Variants in CYP2C19 observed in about 807,000 individuals in gnomAD.
CYP2C19 encodes cytochrome P450 family 2 subfamily C member 19.
A neutral mutation model predicts 40.9 loss-of-function variants in CYP2C19; 59 were observed. The ratio of observed to expected loss-of-function variants is 1.44; its 90% CI spans 1.17 to 1.79. The LOEUF (loss-of-function observed/expected upper bound fraction) is 1.79, where lower values mean the gene tolerates loss of function less well. CYP2C19 is among the 40% of genes most tolerant of loss of function. The probability of loss-of-function intolerance (pLI) is 0.00; values close to 1 mark genes in which losing one functional copy is unlikely to be tolerated. For synonymous variants in CYP2C19, 253 were observed against 208.7 expected (o/e 1.21, Z -1.83); for missense variants, 754 against 596.9 (o/e 1.26, Z -2.74).
At chr10:94,852,205 T>C (rs1849663887) in intron 8 of CYP2C19, among the ~76,000 whole-genome samples, 2 of 151,838 alleles carry the variant, frequency 1.3e-5, no homozygotes. Flanking sequence ...TCTTATCCCA[T>C]AGGACAGACA....
intron 5 of CYP2C19, among the ~76,000 whole-genome samples, chr10:94,782,584 A>T (rs1848493685): frequency 6.6e-6 from 1 of 152,170 alleles, no homozygotes; most frequent in Non-Finnish European, 1.5e-5. Context: ...TAGAAATACC[A>T]TTTGACCCAG....
chr10:94,766,843 C>T (rs925079896), intron 1 of CYP2C19, among the ~76,000 whole-genome samples: 8 of 151,968 alleles, frequency 5.3e-5, no homozygotes, highest in African/African-American at 1.9e-4. Context: ...CATTCCTGAA[C>T]CTTAACAGCA....
At position 94,776,278 on chromosome 10, in the gene CYP2C19, T is replaced by C. The variant is rs530813126; in HGVS notation, c.481+739T>C. On this transcript the variant is annotated intron_variant, in intron 3 of 8. Transcript: ENST00000371321. The stretch of plus-strand genomic sequence containing the variant: ...CTAGATTTTAATTATTAGTAATAAC[T>C]GTAATTTTTATTCCTTAAGTATAAT... 3.7e-4 allele frequency: 57 copies of C among 152,302 alleles called. 1 individual carries two copies. The highest frequency in any genetic ancestry group is 1.3e-3 in the African/African-American group (54 of 41,590). 9.4% of individuals were successfully genotyped at this position (152,302 alleles called of 1,614,324 possible). A position where few individuals can be genotyped will look rare whatever the true frequency, so the allele number is the denominator to read the frequency against.
intron 1 of CYP2C19, among the ~76,000 whole-genome samples, chr10:94,768,913 C>G (rs1489834913): frequency 2.0e-5 from 3 of 152,136 alleles, no homozygotes. Context: ...TCCCATTCTA[C>G]TAGATGAGTA....
Position 94,781,866 on chromosome 10 carries a change from C to A in CYP2C19, c.688C>A (p.His230Asn). 6.7e-7 allele frequency: 1 copy of A among 1,481,938 alleles called. No homozygotes were observed. The highest frequency in any genetic ancestry group is 8.9e-7 in the Non-Finnish European group (1 of 1,123,784). 91.8% of individuals were successfully genotyped at this position (1,481,938 alleles called of 1,614,324 possible). A position where few individuals can be genotyped will look rare whatever the true frequency, so the allele number is the denominator to read the frequency against. ...PTIIDYFPGT[H>N]NKLLKNLAFM... ...TATCATTGATTATTTCCCGGGAACC[C>A]ATAACAAATTACTTAAAAACCTTGC... The change falls in exon 5 of 9, where the codon CAT (histidine) becomes AAT (asparagine). Residue 230 changes from histidine to asparagine, a missense_variant. His to Asn is a moderately conservative substitution (Grantham distance 68, BLOSUM62 1). Coordinates refer to ENST00000371321, the MANE Select transcript of CYP2C19 (RefSeq NM_000769.4).
At chr10:94,770,934 TTGAC>T (rs1848321173) in intron 1 of CYP2C19, among the ~76,000 whole-genome samples, 1 of 152,182 alleles carries the variant, frequency 6.6e-6, no homozygotes, top group South Asian at 2.1e-4. Context: ...TATCATTTAC[TTGAC>T]TAAGATACTA....
chr10:94,804,285 C>T (rs1037605088), intron 5 of CYP2C19, among the ~76,000 whole-genome samples: 2 of 152,184 alleles, frequency 1.3e-5, no homozygotes, highest in Admixed American at 1.3e-4. Context: ...CCTTCCATCC[C>T]AGGTCTGTAA....
chr10:94,845,410 A>G (rs1378384934), intron 7 of CYP2C19, among the ~76,000 whole-genome samples: 2 of 152,190 alleles, frequency 1.3e-5, no homozygotes, highest in African/African-American at 4.8e-5. Context: ...TAGCTCACAT[A>G]CTATACAAAA....
intron 4 of CYP2C19, among the ~76,000 whole-genome samples, chr10:94,781,415 A>G (rs1002589223): frequency 6.6e-6 from 1 of 152,142 alleles, no homozygotes; most frequent in Non-Finnish European, 1.5e-5. Context: ...AAATCAATAT[A>G]GCAGGGACTA....
Position 94,849,933 on chromosome 10 carries a change from C to A in CYP2C19, c.1166C>A (p.Thr389Asn). Residue 389 changes from threonine to asparagine, a missense_variant, in exon 8 of 9, where the codon ACT (threonine) becomes AAT (asparagine). Thr to Asn is a moderately conservative substitution (Grantham distance 65, BLOSUM62 0). Transcript: ENST00000371321. ...YLIPKGTTIL[T>N]SLTSVLHDNK... ...TGTTTCTAGGGCACAACCATATTAA[C>A]TTCCCTCACTTCTGTGCTACATGAC... The A allele has an allele frequency of 4.3e-6, 7 of 1,613,748 alleles. No individual in the cohort carries two copies. The highest frequency in any genetic ancestry group is 5.9e-6 in the Non-Finnish European group (7 of 1,179,752).
chr10:94,780,388 C>A, intron 3 of CYP2C19, 111 bp from the exon 4 acceptor site: 2 of 1,381,416 alleles, frequency 1.4e-6, no homozygotes, highest in South Asian at 1.5e-5. Flanking sequence ...TAAGGGAATT[C>A]ATAGGTAAGA....
chr10:94,793,041 C>G (rs1175595062), intron 5 of CYP2C19, among the ~76,000 whole-genome samples: 7 of 152,100 alleles, frequency 4.6e-5, no homozygotes, highest in Admixed American at 2.6e-4. Context: ...TTCTTAGAGG[C>G]TTTGTTCATT....
Position 94,845,078 on chromosome 10 carries a change from C to T in CYP2C19, c.1149+2054C>T, listed in dbSNP as rs576316462. 3.2e-3 allele frequency among the ~76,000 whole-genome samples: 480 copies of T among 152,294 alleles called. 3 individuals are homozygous for T. Among genetic ancestry groups the T allele is most frequent in the African/African-American group, 0.011 (453 of 41,570 alleles). Reference sequence around the variant, plus strand: ...CAGCCTATAGAAAAGTGCAGCACTGCGTGGCCAATTCTACCCTCTTTACAA... The same window carrying T: ...CAGCCTATAGAAAAGTGCAGCACTGTGTGGCCAATTCTACCCTCTTTACAA... On this transcript the variant is annotated intron_variant, in intron 7 of 8. Transcript: ENST00000371321.
chr10:94,827,944 G>T (rs1849257794), intron 6 of CYP2C19, among the ~76,000 whole-genome samples: 1 of 151,768 alleles, frequency 6.6e-6, no homozygotes, highest in South Asian at 2.1e-4. Context: ...TCAGGAGCAG[G>T]TTGTTCAGTT....
chr10:94,778,312 C>T (rs114452033), intron 3 of CYP2C19, among the ~76,000 whole-genome samples: 7 of 152,148 alleles, frequency 4.6e-5, no homozygotes, highest in South Asian at 2.1e-4. Flanking sequence ...CTCTCCCTCA[C>T]GGTCAGAGAA....
rs2134268543 is a variant in CYP2C19, at chr10:94,820,608, T to C, written c.932T>C (p.Leu311Pro). 1 of 1,614,174 alleles carries C rather than the reference T, an allele frequency of 6.2e-7. No homozygotes were observed. Among genetic ancestry groups the C allele is most frequent in the Middle Eastern group, 1.6e-4 (1 of 6,062 alleles). The change falls in exon 6 of 9, where the codon CTT becomes CCT. Residue 311 changes from leucine to proline, a missense_variant. Transcript: ENST00000371321. ...TTSTTLRYAL[L>P]LLLKHPEVTA... is the part of the protein sequence containing the mutation. ...AGCACAACCCTGAGATATGCTCTCC[T>C]TCTCCTGCTGAAGCACCCAGAGGTC...
chr10:94,806,767 G>T lies in CYP2C19; in HGVS notation c.820-13729G>T, dbSNP rs559684715. Among the ~76,000 whole-genome samples the T allele has an allele frequency of 3.3e-5, 5 of 149,344 alleles. No individual in the cohort carries two copies. The South Asian group carries it at 1.1e-3, about 32-fold the overall frequency. On this transcript the variant is annotated intron_variant, in intron 5 of 8. Coordinates refer to ENST00000371321, the MANE Select transcript of CYP2C19 (RefSeq NM_000769.4). ...TATAAATTTATAATTTATTATTTTA[G>T]TGGGCACAATAATTGTACATATTTA...
At chr10:94,836,541 C>T (rs1849406587) in intron 6 of CYP2C19, among the ~76,000 whole-genome samples, 4 of 152,174 alleles carry the variant, frequency 2.6e-5, no homozygotes, top group Admixed American at 2.6e-4. Context: ...TTCTGAGTTT[C>T]CTTAATTAGT....
At chr10:94,818,404 T>A (rs2134266311) in intron 5 of CYP2C19, among the ~76,000 whole-genome samples, 1 of 152,196 alleles carries the variant, frequency 6.6e-6, no homozygotes, top group Admixed American at 6.5e-5. Flanking sequence ...AACTTTAAAG[T>A]AGTTTTCTCC....
Sources: gnomAD v4.1 joint callset for allele counts (sites outside exome capture counted in the v4.1 genomes callset) on GRCh38, gnomAD v4.1.1 for gene constraint, MANE v1.5 for transcripts, NCBI Gene and HGNC (gene_info 2026-07-23, HGNC 2026-07-21) for gene names.